PERP: variants seen among roughly 807,000 people sequenced by gnomAD.
PERP encodes p53 apoptosis effector related to PMP-22.
PERP carries 11 observed loss-of-function variants against 20.3 expected under a neutral mutation model. That is an observed-to-expected ratio of 0.54 (90% CI 0.34 to 0.90). PERP has a LOEUF of 0.90. Among genes scored for constraint, PERP ranks in the 40% least tolerant of loss-of-function variants. PERP has a pLI of 0.02. For missense variants in PERP, 224 were observed against 249.4 expected (o/e 0.90, Z 0.69); for synonymous variants, 101 against 102.0 (o/e 0.99, Z 0.06).
intron 1 of PERP, among the ~76,000 whole-genome samples, chr6:138,104,573 T>C (rs574567135): frequency 1.2e-3 from 186 of 152,358 alleles, no homozygotes; most frequent in African/African-American, 4.4e-3. Flanking sequence ...AATGAACATA[T>C]TGTTATGATT....
chr6:138,092,654 A>G (rs1023566147), intron 2 of PERP, among the ~76,000 whole-genome samples: 1 of 152,244 alleles, frequency 6.6e-6, no homozygotes, highest in African/African-American at 2.4e-5. Flanking sequence ...TACCAAACAC[A>G]TATTCAATAT....
intron 1 of PERP, among the ~76,000 whole-genome samples, chr6:138,105,821 C>T (rs1257281354): frequency 1.3e-5 from 2 of 152,220 alleles, no homozygotes; most frequent in African/African-American, 2.4e-5. Context: ...ACAATTAATT[C>T]GCTTTAAAAA....
chr6:138,088,662 A>G lies in PERP; in HGVS notation c.*3380T>C, dbSNP rs1775530403. Reference sequence around the variant, plus strand: ...TTTTTCCACACCCTAGGTGGATTACACTCACCCTGACACACCTAGAAAATA... The same window carrying G: ...TTTTTCCACACCCTAGGTGGATTACGCTCACCCTGACACACCTAGAAAATA... On this transcript the variant is annotated 3_prime_UTR_variant, in exon 3 of 3. Coordinates refer to ENST00000421351, the MANE Select transcript of PERP (RefSeq NM_022121.5). 6.6e-6 allele frequency: 1 copy of G among 152,104 alleles called. No individual in the cohort carries two copies. The highest frequency in any genetic ancestry group is 2.1e-4 in the South Asian group (1 of 4,826). 9.4% of individuals were successfully genotyped at this position (152,104 alleles called of 1,614,324 possible). A position where few individuals can be genotyped will look rare whatever the true frequency, so the allele number is the denominator to read the frequency against.
intron 2 of PERP, 121 bp from the exon 3 acceptor site, chr6:138,092,389 C>T: frequency 1.1e-6 from 1 of 889,376 alleles, no homozygotes; most frequent in South Asian, 1.8e-5. Context: ...ATAAAATCTA[C>T]CTGGAGGCAG....
rs192297819 is a variant in PERP, at chr6:138,091,482, A to G, written c.*560T>C. 1 of 152,466 alleles carries G rather than the reference A, an allele frequency of 6.6e-6. No homozygotes were observed. The highest frequency in any genetic ancestry group is 1.9e-4 in the East Asian group (1 of 5,186). The allele number at this position is 152,466 out of a possible 1,614,324, so 9.4% of individuals were successfully genotyped here. On this transcript the variant is annotated 3_prime_UTR_variant, in exon 3 of 3. Coordinates refer to ENST00000421351, the MANE Select transcript of PERP (RefSeq NM_022121.5). The stretch of plus-strand genomic sequence containing the variant: ...CAACATGAAGCCTTAGCTAAAATGA[A>G]TGATTCAGGATATTAATGAGAAATT...
intron 1 of PERP, among the ~76,000 whole-genome samples, chr6:138,099,535 T>C (rs914678674): frequency 6.6e-6 from 1 of 152,198 alleles, no homozygotes; most frequent in Non-Finnish European, 1.5e-5. Context: ...GAGTTTTCCA[T>C]AAAAACAGGC....
chr6:138,097,272 T>C (rs1775707607), intron 1 of PERP, among the ~76,000 whole-genome samples: 1 of 152,168 alleles, frequency 6.6e-6, no homozygotes, highest in African/African-American at 2.4e-5. Context: ...CATTCTATTC[T>C]ACACTGAGGA....
intron 1 of PERP, among the ~76,000 whole-genome samples, chr6:138,100,580 G>A (rs1775756734): frequency 6.6e-6 from 1 of 150,882 alleles, no homozygotes; most frequent in South Asian, 2.1e-4. Flanking sequence ...GTGTGTAAGT[G>A]TATGGGAGAG....
rs964139194 is a variant in PERP at position 138,107,117 on chromosome 6, G to A, written c.214+10C>T. On this transcript the variant is annotated intron_variant, in intron 1 of 2. Coordinates refer to ENST00000421351, the MANE Select transcript of PERP (RefSeq NM_022121.5). This position sits in a 1 kb window ranked among gnomAD's most constrained non-coding sequence, Gnocchi z 4.8. Reference sequence around the variant, plus strand: ...TGGAGGCGGCGACGGCGGCGGCGGCGGGCACTCACCGTACTCCATGAGGCT... The same window carrying A: ...TGGAGGCGGCGACGGCGGCGGCGGCAGGCACTCACCGTACTCCATGAGGCT... The A allele has an allele frequency of 1.3e-6, 2 of 1,581,532 alleles. No individual in the cohort carries two copies. Among genetic ancestry groups the A allele is most frequent in the Non-Finnish European group, 1.7e-6 (2 of 1,164,254 alleles).
At position 138,092,132 on chromosome 6, in the gene PERP, A is replaced by C. The variant is rs648396; in HGVS notation, c.492T>G (p.Ile164Met). Residue 164 changes from isoleucine to methionine, a missense_variant, in exon 3 of 3, where the codon ATT becomes ATG. Physicochemically the swap from Ile to Met is conservative, Grantham distance 10. Transcript: ENST00000421351. ...GFGWAATIILIGCAFFFCCLP... is the reference protein window; with the variant it reads ...GFGWAATIILMGCAFFFCCLP... ...GGCAGCAGAAGAAGAAGGCACAGCC[A>C]ATCAGGATAATCGTGGCTGCCCACC... 6.2e-7 allele frequency: 1 copy of C among 1,613,770 alleles called. No individual in the cohort carries two copies. The highest frequency in any genetic ancestry group is 8.5e-7 in the Non-Finnish European group (1 of 1,179,894).
In PERP at chr6:138,090,550, T is replaced by C. The variant is rs1358585710; in HGVS notation, c.*1492A>G. On this transcript the variant is annotated 3_prime_UTR_variant, in exon 3 of 3. Coordinates refer to ENST00000421351, the MANE Select transcript of PERP (RefSeq NM_022121.5). ...ATAGCACTGCAGAGAAATTGTTTAA[T>C]GTGTGTCTAGGGTATTGTTCATTGA... 1 of 152,204 alleles carries C rather than the reference T, an allele frequency of 6.6e-6. No homozygotes were observed. Among genetic ancestry groups the C allele is most frequent in the East Asian group, 1.9e-4 (1 of 5,192 alleles). 9.4% of individuals were successfully genotyped at this position (152,204 alleles called of 1,614,324 possible). A position where few individuals can be genotyped will look rare whatever the true frequency, so the allele number is the denominator to read the frequency against.
At chr6:138,096,610 G>A in intron 1 of PERP, 116 bp from the exon 2 acceptor site, 1 of 1,168,764 alleles carries the variant, frequency 8.6e-7, no homozygotes, top group Non-Finnish European at 1.2e-6. Flanking sequence ...CATTTGGATG[G>A]AGGGACAGTT....
rs1775532102 is a variant in PERP at position 138,088,795 on chromosome 6, T to C, written c.*3247A>G. The C allele has an allele frequency of 6.6e-6, 1 of 152,178 alleles. No individual in the cohort carries two copies. The highest frequency in any genetic ancestry group is 1.5e-5 in the Non-Finnish European group (1 of 68,026). 9.4% of individuals were successfully genotyped at this position (152,178 alleles called of 1,614,324 possible). On this transcript the variant is annotated 3_prime_UTR_variant, in exon 3 of 3. Transcript: ENST00000421351. ...CTCAAAAAGCAAAGGGCTCTGACCA[T>C]CGACTGATGGGGTTGCAAGCCCAGC...
In PERP at chr6:138,105,932, T is replaced by C. The variant is rs556181481; in HGVS notation, c.214+1195A>G. ...CAAAGAAAGCTGGAATTTTCTGCAG[T>C]GTTTACATTTTATTACCTGGCTAAT... On this transcript the variant is annotated intron_variant, in intron 1 of 2. Coordinates refer to ENST00000421351, the MANE Select transcript of PERP (RefSeq NM_022121.5). Among the ~76,000 whole-genome samples, 3 of 152,336 alleles carry C rather than the reference T, an allele frequency of 2.0e-5. No homozygotes were observed. In the East Asian group the frequency reaches 5.8e-4, roughly 29 times the overall value.
chr6:138,096,421 G>T lies in PERP; in HGVS notation c.288C>A (p.Phe96Leu). Residue 96 changes from phenylalanine (F) to leucine (L), a missense_variant, in exon 2 of 3, where the codon TTC (phenylalanine) becomes TTA (leucine). Physicochemically the swap from Phe to Leu is conservative, Grantham distance 22. Transcript: ENST00000421351. ...GCATCTGGGGTCCACAGAGGGCGAAGAAGGAGAGGATGAAACAGATCACCA... is the reference window on the plus strand; with the variant it reads ...GCATCTGGGGTCCACAGAGGGCGAATAAGGAGAGGATGAAACAGATCACCA... The part of the protein sequence containing the change: ...IILVICFILS[F>L]FALCGPQMLV... 2 of 1,614,124 alleles carry T rather than the reference G, an allele frequency of 1.2e-6. No individual in the cohort carries two copies. Among genetic ancestry groups the T allele is most frequent in the Non-Finnish European group, 1.7e-6 (2 of 1,180,006 alleles).
At position 138,091,960 on chromosome 6, in the gene PERP, G is replaced by A. The variant is rs1436524516; in HGVS notation, c.*82C>T. The A allele has an allele frequency of 4.4e-6, 6 of 1,348,532 alleles. No individual in the cohort carries two copies. In the Admixed American group the frequency reaches 6.7e-5, roughly 15 times the overall value. The allele number at this position is 1,348,532 out of a possible 1,614,324, so 83.5% of individuals were successfully genotyped here. The stretch of plus-strand genomic sequence containing the variant: ...TAATATGAACACTGCCAAAAAATGG[G>A]TTCAAAGTCGCCTGGAGAAACAGTT... On this transcript the variant is annotated 3_prime_UTR_variant, in exon 3 of 3. Coordinates refer to ENST00000421351, the MANE Select transcript of PERP (RefSeq NM_022121.5).
intron 1 of PERP, among the ~76,000 whole-genome samples, chr6:138,097,569 A>T (rs1282004809): frequency 6.6e-6 from 1 of 152,154 alleles, no homozygotes; most frequent in Non-Finnish European, 1.5e-5. Context: ...TGCACCCATT[A>T]CCTGAGTAGT....
At position 138,090,841 on chromosome 6, in the gene PERP, T is replaced by C. The variant is rs1467808711; in HGVS notation, c.*1201A>G. The C allele has an allele frequency of 4.6e-5, 7 of 152,754 alleles. No individual in the cohort carries two copies. Among genetic ancestry groups the C allele is most frequent in the African/African-American group, 1.7e-4 (7 of 41,580 alleles). The allele number at this position is 152,754 out of a possible 1,614,324, so 9.5% of individuals were successfully genotyped here. A position where few individuals can be genotyped will look rare whatever the true frequency, so the allele number is the denominator to read the frequency against. On this transcript the variant is annotated 3_prime_UTR_variant, in exon 3 of 3. Transcript: ENST00000421351. ...CATAATGAAAACTACAATTAGCTTTTTCCACAACTTACAAAATAATAATCT... is the reference window on the plus strand; with the variant it reads ...CATAATGAAAACTACAATTAGCTTTCTCCACAACTTACAAAATAATAATCT...
At chr6:138,095,388 A>G (rs1345085138) in intron 2 of PERP, among the ~76,000 whole-genome samples, 1 of 152,112 alleles carries the variant, frequency 6.6e-6, no homozygotes, top group Non-Finnish European at 1.5e-5. Context: ...CTGCGAACTT[A>G]ACTCTTCTAA....
Sources: allele counts gnomAD v4.1 joint callset (sites outside exome capture counted in the v4.1 genomes callset), GRCh38; gene constraint gnomAD v4.1.1; non-coding constraint Gnocchi (gnomAD v3.1); transcripts MANE v1.5; gene names NCBI Gene and HGNC (gene_info 2026-07-23, HGNC 2026-07-21).